Variants in THAP6 observed in about 807,000 individuals in gnomAD.
THAP6 encodes the protein THAP domain-containing protein 6.
Under a neutral mutation model 20.0 loss-of-function variants are expected in THAP6, and 13 were observed. The observed-to-expected ratio is 0.65, with a 90% CI of 0.42 to 1.03. The LOEUF is 1.03. Among genes scored for constraint, THAP6 ranks in the 50% least tolerant of loss-of-function variants. THAP6 has a pLI of 0.00. For synonymous variants in THAP6, 93 were observed against 92.2 expected (o/e 1.01, Z -0.05); for missense variants, 262 against 261.6 (o/e 1.00, Z -0.01).
chr4:75,534,451 T>C (rs1578279456), downstream of THAP6, among the ~76,000 whole-genome samples: 2 of 152,230 alleles, frequency 1.3e-5, no homozygotes, highest in East Asian at 3.9e-4. Flanking sequence ...CCTAAAACCA[T>C]AAAAACCCTA....
rs375966249 is a variant in THAP6, at chr4:75,535,211, C to T, written c.166-7198C>T. Among the ~76,000 whole-genome samples, 14 of 152,368 alleles carry T rather than the reference C, an allele frequency of 9.2e-5. No homozygotes were observed. In the East Asian group the frequency reaches 1.9e-3, roughly 21 times the overall value. On this transcript the variant is annotated intron_variant, in intron 2 of 4. Transcript: ENST00000502620. ...GCCCCCATGGTTCATTCATCTCCAA[C>T]TGGGTCCCTCCCACAACACATGGGG... is the stretch of plus-strand genomic sequence containing the variant.
rs1488846762 is a variant in THAP6, at chr4:75,528,976, C to A, written c.*1762C>A. ...ACTGAGGCAGGAGAATTGCTTGAACCCGGGAGGCGGAGATTGCAGTGAGCC... is the reference window on the plus strand; with the variant it reads ...ACTGAGGCAGGAGAATTGCTTGAACACGGGAGGCGGAGATTGCAGTGAGCC... On this transcript the variant is annotated 3_prime_UTR_variant, in exon 5 of 5. Coordinates refer to ENST00000311638, the MANE Select transcript of THAP6 (RefSeq NM_144721.6). 8 of 490,080 alleles carry A rather than the reference C, an allele frequency of 1.6e-5. No homozygotes were observed. The highest frequency in any genetic ancestry group is 8.8e-5 in the South Asian group (1 of 11,408). The allele number at this position is 490,080 out of a possible 1,614,324, so 30.4% of individuals were successfully genotyped here.
Position 75,528,454 on chromosome 4 carries a change from T to TA in THAP6, c.*1241dup, listed in dbSNP as rs1726511806. 3.0e-6 allele frequency: 3 copies of TA among 985,262 alleles called. No homozygotes were observed. In the Admixed American group the frequency reaches 1.8e-4, roughly 61 times the overall value. 61.0% of individuals were successfully genotyped at this position (985,262 alleles called of 1,614,324 possible). On this transcript the variant is annotated 3_prime_UTR_variant, in exon 5 of 5. Transcript: ENST00000311638. ...GGACCTCATTCAGAAGTCCATGTTG[T>TA]AGCAGTTAGAATTTGAGTATCAGCC...
chr4:75,529,496 T>C lies in THAP6; in HGVS notation c.*2282T>C. On this transcript the variant is annotated 3_prime_UTR_variant, in exon 5 of 5. Coordinates refer to ENST00000311638, the MANE Select transcript of THAP6 (RefSeq NM_144721.6). ...AGGACCCAGAGCTGCCCATTTTCTC[T>C]TTGTTCTAATAGGGAAGCAATTACT... The C allele has an allele frequency of 1.0e-6, 1 of 985,434 alleles. No homozygotes were observed. The highest frequency in any genetic ancestry group is 4.7e-5 in the South Asian group (1 of 21,282). 61.0% of individuals were successfully genotyped at this position (985,434 alleles called of 1,614,324 possible).
chr4:75,541,095 T>C (rs561823991), intron 2 of THAP6, among the ~76,000 whole-genome samples: 1 of 152,236 alleles, frequency 6.6e-6, no homozygotes, highest in African/African-American at 2.4e-5. Context: ...GAAATGCAAA[T>C]GTATTCTATA....
At position 75,529,004 on chromosome 4, in the gene THAP6, G is replaced by A; in HGVS notation, c.*1790G>A. The A allele has an allele frequency of 3.2e-6, 2 of 623,674 alleles. No homozygotes were observed. The highest frequency in any genetic ancestry group is 2.0e-6 in the Non-Finnish European group (1 of 500,092). 38.6% of individuals were successfully genotyped at this position (623,674 alleles called of 1,614,324 possible). On this transcript the variant is annotated 3_prime_UTR_variant, in exon 5 of 5. Transcript: ENST00000311638. ...GGAGGCGGAGATTGCAGTGAGCCAA[G>A]ATCACGCCGTTGCACTCCAGCCTGA...
In THAP6 at chr4:75,528,509, C is replaced by T. The variant is rs973266890; in HGVS notation, c.*1295C>T. On this transcript the variant is annotated 3_prime_UTR_variant, in exon 5 of 5. Coordinates refer to ENST00000311638, the MANE Select transcript of THAP6 (RefSeq NM_144721.6). Reference sequence around the variant, plus strand: ...CATTGTAGTAACAAAAATTGAATTGCATTTTGTGCTCAGTTGTTTATTGTA... The same window carrying T: ...CATTGTAGTAACAAAAATTGAATTGTATTTTGTGCTCAGTTGTTTATTGTA... 2.0e-6 allele frequency: 2 copies of T among 984,684 alleles called. No homozygotes were observed. The highest frequency in any genetic ancestry group is 3.5e-5 in the African/African-American group (2 of 57,182). The allele number at this position is 984,684 out of a possible 1,614,324, so 61.0% of individuals were successfully genotyped here.
intron 3 of THAP6, among the ~76,000 whole-genome samples, chr4:75,521,123 A>T (rs1725997073): frequency 7.6e-6 from 1 of 132,022 alleles, no homozygotes; most frequent in Admixed American, 7.9e-5. Context: ...TAGTTACGGC[A>T]TGGGTTTATT....
At chr4:75,544,530 T>G (rs1727082970) in intron 3 of THAP6, 1 of 152,034 alleles carries the variant, frequency 6.6e-6, no homozygotes, top group Non-Finnish European at 1.5e-5. Context: ...AATTTTTGTA[T>G]TTTTTGGTAG....
chr4:75,533,850 G>T (rs1726768990), downstream of THAP6, among the ~76,000 whole-genome samples: 1 of 152,062 alleles, frequency 6.6e-6, no homozygotes, highest in African/African-American at 2.4e-5. Flanking sequence ...CCATGTTGGT[G>T]TGCTGCATCC....
intron 3 of THAP6, among the ~76,000 whole-genome samples, chr4:75,519,573 G>A (rs1362434541): frequency 5.3e-5 from 8 of 150,434 alleles, no homozygotes; most frequent in Admixed American, 3.4e-4. Context: ...GTGAGAATAC[G>A]CGGTGTTTGG....
At chr4:75,514,467 G>A (rs1042601541), upstream of THAP6, 2 of 598,084 alleles carry the variant, frequency 3.3e-6, no homozygotes, top group East Asian at 5.7e-5. Context: ...AGGCGGAAGC[G>A]AAGGCAGACG....
chr4:75,532,282 A>T (rs548016404), downstream of THAP6, among the ~76,000 whole-genome samples: 9 of 152,360 alleles, frequency 5.9e-5, no homozygotes, highest in South Asian at 1.9e-3. Flanking sequence ...GGGCAGGCAA[A>T]TCTTAAGCTT....
Position 75,529,817 on chromosome 4 carries a change from A to C in THAP6, c.*2603A>C. Reference sequence around the variant, plus strand: ...AGGTACGAAGCGCTTGATACGTGGAATTTTTCTCTATATCAAGTTTAAATT... The same window carrying C: ...AGGTACGAAGCGCTTGATACGTGGACTTTTTCTCTATATCAAGTTTAAATT... On this transcript the variant is annotated 3_prime_UTR_variant, in exon 5 of 5. Coordinates refer to ENST00000311638, the MANE Select transcript of THAP6 (RefSeq NM_144721.6). 1.0e-6 allele frequency: 1 copy of C among 985,338 alleles called. No individual in the cohort carries two copies. Among genetic ancestry groups the C allele is most frequent in the Non-Finnish European group, 1.2e-6 (1 of 829,868 alleles). The allele number at this position is 985,338 out of a possible 1,614,324, so 61.0% of individuals were successfully genotyped here.
At chr4:75,515,296 A>T in intron 1 of THAP6, 137 bp from the exon 2 acceptor site, 1 of 708,172 alleles carries the variant, frequency 1.4e-6, no homozygotes, top group South Asian at 1.8e-5. Flanking sequence ...GATGTAAGCA[A>T]AGCTGCAGGT....
intron 2 of THAP6, 101 bp from the exon 3 acceptor site, chr4:75,516,671 A>C: frequency 4.6e-6 from 4 of 870,492 alleles, no homozygotes; most frequent in Non-Finnish European, 5.2e-6. Context: ...CTAATAAACT[A>C]GTTAACGAAT....
At chr4:75,536,079 G>T (rs1398569192) in intron 2 of THAP6, among the ~76,000 whole-genome samples, 1 of 152,124 alleles carries the variant, frequency 6.6e-6, no homozygotes, top group Non-Finnish European at 1.5e-5. Context: ...CTCCAGAGGG[G>T]TTTTTCTAAA....
chr4:75,524,853 T>C (rs1726267491), intron 4 of THAP6, among the ~76,000 whole-genome samples: 1 of 152,156 alleles, frequency 6.6e-6, no homozygotes, highest in African/African-American at 2.4e-5. Context: ...CCTCCCAGGC[T>C]CAAGCAATCC....
intron 3 of THAP6, among the ~76,000 whole-genome samples, chr4:75,520,888 A>G (rs1725979574): frequency 6.6e-6 from 1 of 151,622 alleles, no homozygotes; most frequent in African/African-American, 2.4e-5. Context: ...ATCTATGAAC[A>G]CTCGTGCGTG....
Sources: gnomAD v4.1 joint callset for allele counts (sites outside exome capture counted in the v4.1 genomes callset) on GRCh38, gnomAD v4.1.1 for gene constraint, MANE v1.5 for transcripts, NCBI Gene and HGNC (gene_info 2026-07-23, HGNC 2026-07-21) for gene names.